RGS7: variants seen among roughly 807,000 people sequenced by gnomAD.
The protein encoded by RGS7 is regulator of G protein signaling 7, also known as regulator of G-protein signaling 7.
In RGS7, 27 loss-of-function variants were observed where a neutral mutation model predicts 81.1. The ratio of observed to expected loss-of-function variants is 0.33; its 90% CI spans 0.25 to 0.46. RGS7 has a LOEUF of 0.46. Ranked by LOEUF, RGS7 falls within the 20% of genes least tolerant of loss-of-function variation. The pLI is 1.00. For synonymous variants in RGS7, 208 were observed against 207.7 expected, an observed-to-expected ratio of 1.00 and a Z score of -0.01; for missense variants, 396 against 607.4, an observed-to-expected ratio of 0.65 and a Z score of 3.66.
intron 2 of RGS7, among the ~76,000 whole-genome samples, chr1:241,110,162 T>A (rs1272429126): frequency 6.6e-6 from 1 of 152,196 alleles, no homozygotes; most frequent in Admixed American, 6.5e-5. Context: ...CCAAATTATC[T>A]CTTTTTACAA....
At chr1:241,037,176 A>G (rs760597504) in intron 3 of RGS7, among the ~76,000 whole-genome samples, 9 of 152,186 alleles carry the variant, frequency 5.9e-5, no homozygotes, top group Non-Finnish European at 1.0e-4. Context: ...CTTAGTCGTT[A>G]TGGAGTACAC....
At chr1:240,810,880 A>G (rs1689731244) in intron 14 of RGS7, among the ~76,000 whole-genome samples, 1 of 152,228 alleles carries the variant, frequency 6.6e-6, no homozygotes, top group African/African-American at 2.4e-5. Flanking sequence ...AAGGGTTCCC[A>G]TAAACTGGAA....
intron 4 of RGS7, among the ~76,000 whole-genome samples, chr1:240,976,564 G>C (rs987282480): frequency 2.0e-5 from 3 of 152,110 alleles, no homozygotes; most frequent in African/African-American, 7.2e-5. Flanking sequence ...ATCAGCTGAA[G>C]GCCTTAAGAG....
intron 2 of RGS7, among the ~76,000 whole-genome samples, chr1:241,133,944 AAG>A (rs1459571193): frequency 1.3e-5 from 2 of 152,070 alleles, no homozygotes; most frequent in African/African-American, 4.8e-5. Context: ...GAGGGAGAGA[AAG>A]AGAGAGAGAA....
chr1:241,165,191 CATAAG>C (rs567883635), intron 2 of RGS7, among the ~76,000 whole-genome samples: 43 of 152,314 alleles, frequency 2.8e-4, no homozygotes, highest in African/African-American at 9.9e-4. Flanking sequence ...AAGTAGACTA[CATAAG>C]ATAAGTAGCA....
rs183715711 is a variant in RGS7, at chr1:241,254,213, A to G, written c.78+101486T>C. ...GACTCCATCTCAAAAAAAAAAAAAAAAAAGAAAGAAAGAAATTAGTGGTGA... is the reference window on the plus strand; with the variant it reads ...GACTCCATCTCAAAAAAAAAAAAAAGAAAGAAAGAAAGAAATTAGTGGTGA... On this transcript the variant is annotated intron_variant, in intron 2 of 18. Coordinates refer to ENST00000440928, the MANE Select transcript of RGS7 (RefSeq NM_001364886.1). Among the ~76,000 whole-genome samples, 298 of 151,808 alleles carry G rather than the reference A, an allele frequency of 2.0e-3. 1 individual carries two copies. The highest frequency in any genetic ancestry group is 6.5e-3 in the African/African-American group (269 of 41,366).
chr1:241,288,756 C>T (rs1007360765), intron 2 of RGS7, among the ~76,000 whole-genome samples: 4 of 152,180 alleles, frequency 2.6e-5, no homozygotes, highest in African/African-American at 9.7e-5. Context: ...TTGTCTTCAT[C>T]GTGCCCTGCC....
chr1:240,878,235 G>A (rs376383155), intron 6 of RGS7, among the ~76,000 whole-genome samples: 40 of 152,130 alleles, frequency 2.6e-4, no homozygotes, highest in African/African-American at 9.2e-4. Flanking sequence ...ATGTCCTAAT[G>A]TACAACTTAT....
At chr1:241,105,261 T>G (rs949595135) in intron 2 of RGS7, among the ~76,000 whole-genome samples, 2 of 152,208 alleles carry the variant, frequency 1.3e-5, no homozygotes, top group African/African-American at 4.8e-5. Flanking sequence ...TGGCTGTTGA[T>G]GAGGCTGTCT....
At chr1:241,022,361 T>G (rs990490288) in intron 3 of RGS7, among the ~76,000 whole-genome samples, 3 of 152,176 alleles carry the variant, frequency 2.0e-5, no homozygotes, top group Admixed American at 6.5e-5. Context: ...AACAGTCCTT[T>G]CCCGCAACCA....
intron 6 of RGS7, among the ~76,000 whole-genome samples, chr1:240,912,752 T>C (rs918260988): frequency 1.3e-5 from 2 of 151,896 alleles, no homozygotes; most frequent in African/African-American, 4.8e-5. Flanking sequence ...TAAATAAATA[T>C]ATATATTTAC....
intron 18 of RGS7, among the ~76,000 whole-genome samples, chr1:240,791,143 T>C (rs1315790425): frequency 6.6e-6 from 1 of 152,182 alleles, no homozygotes; most frequent in Non-Finnish European, 1.5e-5. Context: ...AATAGAGCAT[T>C]CTAGAGAATG....
intron 2 of RGS7, chr1:241,186,547 G>A (rs1166193232): frequency 7.1e-5 from 20 of 279,750 alleles, no homozygotes; most frequent in African/African-American, 4.0e-4. Context: ...TTTTTGAGAC[G>A]GAGTTTTGCT....
chr1:241,301,936 G>T (rs2079785762), intron 2 of RGS7, among the ~76,000 whole-genome samples: 1 of 152,166 alleles, frequency 6.6e-6, no homozygotes, highest in African/African-American at 2.4e-5. Context: ...ATCGAGTAAA[G>T]AAGAAAAATA....
At chr1:241,161,501 A>G (rs2069661543) in intron 2 of RGS7, among the ~76,000 whole-genome samples, 1 of 148,940 alleles carries the variant, frequency 6.7e-6, no homozygotes, top group Non-Finnish European at 1.5e-5. Context: ...TAATTATATT[A>G]TTATAACTAA....
intron 2 of RGS7, among the ~76,000 whole-genome samples, chr1:241,333,835 T>C (rs1189905891): frequency 6.6e-6 from 1 of 151,540 alleles, no homozygotes; most frequent in Non-Finnish European, 1.5e-5. Flanking sequence ...CTTTTCTCTT[T>C]ATTTTTGCAT....
intron 2 of RGS7, among the ~76,000 whole-genome samples, chr1:241,129,828 C>G (rs61833761): frequency 0.051 from 7,781 of 152,118 alleles, 276 homozygotes; most frequent in Non-Finnish European, 0.076. Context: ...CTGCACTGCC[C>G]TAAAGCACGT....
intron 3 of RGS7, chr1:240,998,605 C>A: frequency 1.2e-6 from 1 of 857,540 alleles, no homozygotes; most frequent in South Asian, 1.3e-5. Context: ...TCCACCAGCC[C>A]CTACATTGCA....
intron 3 of RGS7, among the ~76,000 whole-genome samples, chr1:241,070,693 G>C (rs1320365938): frequency 6.6e-6 from 1 of 152,182 alleles, no homozygotes; most frequent in South Asian, 2.1e-4. Context: ...GTGCAGGGAG[G>C]CTGGGAATGG....
Sources: gnomAD v4.1 joint callset for allele counts (sites outside exome capture counted in the v4.1 genomes callset) on GRCh38, gnomAD v4.1.1 for gene constraint, MANE v1.5 for transcripts, NCBI Gene and HGNC (gene_info 2026-07-23, HGNC 2026-07-21) for gene names.